ALCAM: variants seen among roughly 807,000 people sequenced by gnomAD.
The protein encoded by ALCAM is CD166 antigen.
A neutral mutation model predicts 70.9 loss-of-function variants in ALCAM; 30 were observed. That is an observed-to-expected ratio of 0.42 (90% CI 0.32 to 0.57). The LOEUF is 0.57. ALCAM is among the 20% of genes least tolerant of loss of function. ALCAM has a pLI of 0.11. For synonymous variants in ALCAM, 249 were observed against 242.5 expected (o/e 1.03, Z -0.25); for missense variants, 591 against 695.1 (o/e 0.85, Z 1.68).
intron 1 of ALCAM, among the ~76,000 whole-genome samples, chr3:105,467,308 A>G (rs1937771508): frequency 6.6e-6 from 1 of 151,278 alleles, no homozygotes; most frequent in South Asian, 2.1e-4. Context: ...TCAGCCTACA[A>G]ATTAAATAGT....
chr3:105,504,002 CAA>C (rs1938994479), intron 1 of ALCAM, among the ~76,000 whole-genome samples: 1 of 152,178 alleles, frequency 6.6e-6, no homozygotes, highest in Non-Finnish European at 1.5e-5. Context: ...AAATAAAAGC[CAA>C]AGAGACATAA....
intron 1 of ALCAM, among the ~76,000 whole-genome samples, chr3:105,448,985 C>T (rs973831265): frequency 2.0e-5 from 3 of 152,104 alleles, no homozygotes; most frequent in Non-Finnish European, 4.4e-5. Context: ...TTTATCTTCC[C>T]CAGATGCCCT....
chr3:105,451,454 C>G (rs1266426415), intron 1 of ALCAM, among the ~76,000 whole-genome samples: 1 of 152,068 alleles, frequency 6.6e-6, no homozygotes, highest in Non-Finnish European at 1.5e-5. Context: ...CAAACTCCAG[C>G]TATGTCATTT....
At chr3:105,420,896 A>G (rs957588192) in intron 1 of ALCAM, among the ~76,000 whole-genome samples, 2 of 151,508 alleles carry the variant, frequency 1.3e-5, no homozygotes, top group Admixed American at 1.3e-4. Context: ...AAAAAGAGGG[A>G]GATTTGTAAT....
At chr3:105,384,822 A>G (rs1428487245) in intron 1 of ALCAM, among the ~76,000 whole-genome samples, 1 of 151,544 alleles carries the variant, frequency 6.6e-6, no homozygotes, top group Non-Finnish European at 1.5e-5. Context: ...TCTCACTTTC[A>G]GCCTTTTAAA....
At chr3:105,557,397 G>A (rs750875476) in intron 14 of ALCAM, among the ~76,000 whole-genome samples, 2 of 152,008 alleles carry the variant, frequency 1.3e-5, no homozygotes, top group Non-Finnish European at 2.9e-5. Context: ...CCACTCAGAG[G>A]GCAGCACCAT....
chr3:105,525,435 G>C (rs1182500486), intron 3 of ALCAM: 8 of 846,848 alleles, frequency 9.4e-6, no homozygotes, highest in Non-Finnish European at 1.1e-5. Context: ...ACACTACAGG[G>C]AACGAAACAG....
At chr3:105,514,450 G>A (rs376691040) in intron 1 of ALCAM, among the ~76,000 whole-genome samples, 166 of 151,874 alleles carry the variant, frequency 1.1e-3, no homozygotes, top group African/African-American at 3.9e-3. Context: ...CAAACTATCA[G>A]GCTAAGGTAA....
intron 1 of ALCAM, among the ~76,000 whole-genome samples, chr3:105,390,978 T>C (rs1365372540): frequency 1.3e-5 from 2 of 152,260 alleles, no homozygotes; most frequent in African/African-American, 2.4e-5. Flanking sequence ...ACCTGTACCA[T>C]GCTGTTTTGC....
chr3:105,394,443 C>T (rs534517819), intron 1 of ALCAM, among the ~76,000 whole-genome samples: 1 of 152,008 alleles, frequency 6.6e-6, no homozygotes, highest in East Asian at 1.9e-4. Context: ...TTTTCTGAAT[C>T]CCTGGTTCTC....
Position 105,366,931 on chromosome 3 carries a change from C to A in ALCAM, c.-478C>A. The A allele has an allele frequency of 6.2e-6, 1 of 161,164 alleles. No individual in the cohort carries two copies. Among genetic ancestry groups the A allele is most frequent in the South Asian group, 1.4e-4 (1 of 7,250 alleles). The allele number at this position is 161,164 out of a possible 1,614,324, so 10.0% of individuals were successfully genotyped here. A position where few individuals can be genotyped will look rare whatever the true frequency, so the allele number is the denominator to read the frequency against. ...CTCAGAGCAGCCCGGAGACCGCTGC[C>A]GCCGCTGCCGCTGCTACCACCGCTG... On this transcript the variant is annotated 5_prime_UTR_variant, in exon 1 of 16. Coordinates refer to ENST00000306107, the MANE Select transcript of ALCAM (RefSeq NM_001627.4).
intron 1 of ALCAM, among the ~76,000 whole-genome samples, chr3:105,452,628 T>C (rs995865023): frequency 7.2e-5 from 11 of 152,240 alleles, no homozygotes; most frequent in African/African-American, 2.7e-4. Context: ...TTTCTGGTTC[T>C]AGATCCTTGA....
chr3:105,496,829 T>C (rs4501150), intron 1 of ALCAM, among the ~76,000 whole-genome samples: 1 of 123,142 alleles, frequency 8.1e-6, no homozygotes, highest in Admixed American at 7.4e-5. Flanking sequence ...CCAATTGAGG[T>C]GTGTGTGTGT....
chr3:105,474,592 T>A (rs1256105635), intron 1 of ALCAM, among the ~76,000 whole-genome samples: 3 of 146,810 alleles, frequency 2.0e-5, no homozygotes, highest in Non-Finnish European at 4.5e-5. Flanking sequence ...AGCCTTTTCT[T>A]GCGAAAAAAA....
chr3:105,556,188 T>C (rs1178701722), intron 14 of ALCAM, among the ~76,000 whole-genome samples: 1 of 151,974 alleles, frequency 6.6e-6, no homozygotes, highest in Non-Finnish European at 1.5e-5. Context: ...CAAGAACTAA[T>C]GAAAAATTAA....
At chr3:105,473,041 AT>A (rs1202655093) in intron 1 of ALCAM, among the ~76,000 whole-genome samples, 2 of 151,384 alleles carry the variant, frequency 1.3e-5, no homozygotes, top group East Asian at 3.9e-4. Flanking sequence ...TTGGTTGGAA[AT>A]TTCCCTCAAA....
At chr3:105,550,964 C>T (rs1940387760) in intron 12 of ALCAM, among the ~76,000 whole-genome samples, 2 of 151,576 alleles carry the variant, frequency 1.3e-5, no homozygotes, top group African/African-American at 4.8e-5. Flanking sequence ...TATAGTTGTT[C>T]CTATTGTTTT....
At chr3:105,542,234 A>G (rs1027564815) in intron 8 of ALCAM, among the ~76,000 whole-genome samples, 4 of 151,834 alleles carry the variant, frequency 2.6e-5, no homozygotes, top group African/African-American at 9.7e-5. Context: ...ATTAGAAGTT[A>G]TTTATTGGCT....
At chr3:105,464,672 C>A (rs1418874166) in intron 1 of ALCAM, among the ~76,000 whole-genome samples, 2 of 151,322 alleles carry the variant, frequency 1.3e-5, no homozygotes, top group African/African-American at 4.8e-5. Context: ...TGATTAACAG[C>A]ATTTTAATGT....
Sources: gnomAD v4.1 joint callset for allele counts (sites outside exome capture counted in the v4.1 genomes callset) on GRCh38, gnomAD v4.1.1 for gene constraint, MANE v1.5 for transcripts, NCBI Gene and HGNC (gene_info 2026-07-23, HGNC 2026-07-21) for gene names.